The following THBS4 variants were observed in gnomAD, a reference collection of about 807,000 sequenced individuals.
THBS4 encodes the protein thrombospondin 4.
A neutral mutation model predicts 115.7 loss-of-function variants in THBS4; 90 were observed. The ratio of observed to expected loss-of-function variants is 0.78; its 90% confidence interval spans 0.66 to 0.93. The LOEUF (loss-of-function observed/expected upper bound fraction) is 0.93. Among genes scored for constraint, THBS4 ranks in the 40% least tolerant of loss-of-function variants. THBS4 has a pLI of 0.00. For synonymous variants in THBS4, 460 were observed against 479.3 expected (o/e 0.96, Z 0.53); for missense variants, 1,087 against 1,232.7 (o/e 0.88, Z 1.77).
At chr5:80,083,017 G>GGGGGTCC (rs940590519) in intron 21 of THBS4, 63 bp from the exon 22 acceptor site, 85 of 1,478,006 alleles carry the variant, frequency 5.8e-5, no homozygotes, top group African/African-American at 2.5e-4. Context: ...AGCCGCGGGC[G>GGGGGTCC]GGGGTCCGGG....
At chr5:80,024,320 G>A (rs1013103960) in intron 2 of THBS4, among the ~76,000 whole-genome samples, 3 of 151,998 alleles carry the variant, frequency 2.0e-5, no homozygotes, top group African/African-American at 4.8e-5. Context: ...TGTTTTTACC[G>A]GCCACTCTCA....
chr5:80,045,678 G>A (rs1459437435), intron 2 of THBS4, among the ~76,000 whole-genome samples: 1 of 151,938 alleles, frequency 6.6e-6, no homozygotes, highest in Non-Finnish European at 1.5e-5. Flanking sequence ...TTATAGGCAT[G>A]CGCCACCAGA....
chr5:80,055,158 C>CA (rs1458528138), intron 2 of THBS4, among the ~76,000 whole-genome samples: 9 of 151,798 alleles, frequency 5.9e-5, no homozygotes, highest in Non-Finnish European at 1.3e-4. Flanking sequence ...CCTGTCTCTA[C>CA]AAAAAATATA....
upstream of THBS4, among the ~76,000 whole-genome samples, chr5:80,032,608 C>G (rs536740339): frequency 6.6e-6 from 1 of 152,318 alleles, no homozygotes; most frequent in South Asian, 2.1e-4. Context: ...CAGCCCCTGG[C>G]AAATCACTAA....
At chr5:80,007,179 G>A (rs1832035423) in intron 2 of THBS4, among the ~76,000 whole-genome samples, 1 of 152,136 alleles carries the variant, frequency 6.6e-6, no homozygotes, top group African/African-American at 2.4e-5. Flanking sequence ...GCCCATAAAC[G>A]TGCAGACCCA....
intron 2 of THBS4, among the ~76,000 whole-genome samples, chr5:80,025,270 G>T (rs1832453480): frequency 6.6e-6 from 1 of 152,152 alleles, no homozygotes; most frequent in Admixed American, 6.5e-5. Context: ...ATGCATGCAT[G>T]AATATGAGTA....
chr5:80,040,678 A>C (rs1438938780), intron 2 of THBS4, among the ~76,000 whole-genome samples: 1 of 152,244 alleles, frequency 6.6e-6, no homozygotes, highest in Non-Finnish European at 1.5e-5. Context: ...ACAGTTCTAG[A>C]CAGTGGTAAG....
At chr5:80,011,891 AAAAG>A (rs1024399650) in intron 2 of THBS4, among the ~76,000 whole-genome samples, 22 of 152,256 alleles carry the variant, frequency 1.4e-4, no homozygotes, top group South Asian at 4.1e-4. Context: ...AAAAAGAAAA[AAAAG>A]AAAGAAAGAA....
At chr5:80,064,665 G>A (rs1173439160) in intron 8 of THBS4, among the ~76,000 whole-genome samples, 1 of 152,168 alleles carries the variant, frequency 6.6e-6, no homozygotes, top group Admixed American at 6.5e-5. Context: ...CTGGGAGGTC[G>A]AGGCTGCCGT....
intron 2 of THBS4, among the ~76,000 whole-genome samples, chr5:80,020,774 C>A (rs1430435472): frequency 6.6e-6 from 1 of 152,272 alleles, no homozygotes; most frequent in African/African-American, 2.4e-5. Context: ...CTACCCTGAG[C>A]TTTTCTCCTC....
At chr5:80,051,222 A>G (rs1833245527) in intron 2 of THBS4, among the ~76,000 whole-genome samples, 1 of 152,202 alleles carries the variant, frequency 6.6e-6, no homozygotes, top group Non-Finnish European at 1.5e-5. Flanking sequence ...AACAGGCTGC[A>G]GGCTCCTGGG....
chr5:80,032,131 T>TG (rs1417639403), upstream of THBS4, among the ~76,000 whole-genome samples: 1 of 152,182 alleles, frequency 6.6e-6, no homozygotes, highest in Non-Finnish European at 1.5e-5. Context: ...AGAAGTGGCA[T>TG]GGAAATGAAA....
chr5:80,058,150 C>A, intron 3 of THBS4, 56 bp from the exon 4 acceptor site: 2 of 1,359,694 alleles, frequency 1.5e-6, no homozygotes, highest in Non-Finnish European at 2.1e-6. Flanking sequence ...AGTAGGCAAG[C>A]ACATTGGCTT....
intron 8 of THBS4, among the ~76,000 whole-genome samples, chr5:80,062,377 AACTG>A (rs750823814): frequency 2.6e-5 from 4 of 152,196 alleles, no homozygotes; most frequent in South Asian, 2.1e-4. Flanking sequence ...GTCATTATTT[AACTG>A]ACTGACTGTG....
chr5:80,013,706 T>C (rs189404928), intron 2 of THBS4, among the ~76,000 whole-genome samples: 2 of 152,278 alleles, frequency 1.3e-5, no homozygotes, highest in East Asian at 3.9e-4. Flanking sequence ...CTCTACCATT[T>C]ATTAGGTTTG....
intron 13 of THBS4, chr5:80,071,737 G>T: frequency 6.1e-6 from 1 of 164,926 alleles, no homozygotes; most frequent in Non-Finnish European, 1.3e-5. Context: ...CTCACCTTCT[G>T]CAAGCCTAAC....
At position 80,021,003 on chromosome 5, in the gene THBS4, T is replaced by A. The variant is rs201136639; in HGVS notation, n.178-19074T>A. The stretch of plus-strand genomic sequence containing the variant: ...AAAACTGATGTCACCTAAAATTGAA[T>A]TAACACAAGAGTTCAAGTTTCCTTT... On this transcript the variant is annotated intron_variant and non_coding_transcript_variant, in intron 2 of 3. Coordinates refer to the THBS4 transcript ENST00000510218. Among the ~76,000 whole-genome samples, 4 of 152,352 alleles carry A rather than the reference T, an allele frequency of 2.6e-5. No individual in the cohort carries two copies. The East Asian group carries it at 7.7e-4, about 29-fold the overall frequency.
At chr5:80,038,172 TAAAAA>T (rs1327298053) in intron 1 of THBS4, among the ~76,000 whole-genome samples, 2 of 152,088 alleles carry the variant, frequency 1.3e-5, no homozygotes, top group African/African-American at 4.8e-5. Context: ...AAAAATAAAA[TAAAAA>T]GAAAAGAGGA....
chr5:80,008,396 G>C (rs1832057278), intron 2 of THBS4, among the ~76,000 whole-genome samples: 1 of 151,894 alleles, frequency 6.6e-6, no homozygotes, highest in Admixed American at 6.6e-5. Flanking sequence ...AGCTTAACCG[G>C]GCTTCCCACA....
Sources: gnomAD v4.1 joint callset for allele counts (sites outside exome capture counted in the v4.1 genomes callset) on GRCh38, gnomAD v4.1.1 for gene constraint, MANE v1.5 for transcripts, NCBI Gene and HGNC (gene_info 2026-07-23, HGNC 2026-07-21) for gene names.